SYT1: variants seen among roughly 807,000 people sequenced by gnomAD.
SYT1 encodes synaptotagmin-1.
Under a neutral mutation model 44.8 loss-of-function variants are expected in SYT1, and 8 were observed. The observed-to-expected ratio is 0.18, with a 90% CI of 0.10 to 0.32. SYT1 has a LOEUF of 0.32. Ranked by LOEUF, SYT1 falls within the 10% of genes least tolerant of loss-of-function variation. The probability of loss-of-function intolerance (pLI) is 1.00; values close to 1 mark genes in which losing one functional copy is unlikely to be tolerated. For missense variants in SYT1, 286 were observed against 509.3 expected (o/e 0.56, Z 4.22); for synonymous variants, 154 against 188.8 (o/e 0.82, Z 1.51).
At chr12:78,995,227 T>C (rs1180611851) in intron 2 of SYT1, among the ~76,000 whole-genome samples, 2 of 152,230 alleles carry the variant, frequency 1.3e-5, no homozygotes, top group Non-Finnish European at 2.9e-5. Context: ...CATAGCCTTG[T>C]GTCTTTGACC....
At chr12:79,400,239 C>T (rs1171351872) in intron 9 of SYT1, among the ~76,000 whole-genome samples, 1 of 152,050 alleles carries the variant, frequency 6.6e-6, no homozygotes, top group Admixed American at 6.6e-5. Context: ...GTACTAGGAC[C>T]CATGGCAAGT....
intron 4 of SYT1, among the ~76,000 whole-genome samples, chr12:79,233,678 T>C (rs1361815383): frequency 6.6e-6 from 1 of 152,224 alleles, no homozygotes; most frequent in African/African-American, 2.4e-5. Context: ...AATGTGGCTC[T>C]AATGCGATTT....
chr12:79,175,567 G>A (rs1320378869), intron 3 of SYT1, among the ~76,000 whole-genome samples: 1 of 151,970 alleles, frequency 6.6e-6, no homozygotes, highest in African/African-American at 2.4e-5. Flanking sequence ...CATCTATTTG[G>A]CACACTCAAA....
chr12:78,977,078 AAG>A (rs1868895577), intron 1 of SYT1, among the ~76,000 whole-genome samples: 2 of 152,060 alleles, frequency 1.3e-5, no homozygotes. Flanking sequence ...AAAATTTTAA[AAG>A]AAAGAATGGG....
chr12:79,324,670 A>G (rs1004904639), intron 8 of SYT1, among the ~76,000 whole-genome samples: 2 of 152,220 alleles, frequency 1.3e-5, no homozygotes, highest in African/African-American at 4.8e-5. Flanking sequence ...CCTGCGGTGC[A>G]TCTGTGGGGT....
At chr12:79,284,736 C>T (rs576401329) in intron 4 of SYT1, among the ~76,000 whole-genome samples, 96 of 151,150 alleles carry the variant, frequency 6.4e-4, no homozygotes, top group African/African-American at 2.2e-3. Flanking sequence ...CTACTCGGGA[C>T]GCTGAGGCAG....
chr12:78,967,048 A>G (rs17046137), intron 1 of SYT1, among the ~76,000 whole-genome samples: 10,979 of 152,226 alleles, frequency 0.072, 444 homozygotes, highest in African/African-American at 0.1. Flanking sequence ...ATAGAGCATC[A>G]CATCTCAGTC....
intron 9 of SYT1, among the ~76,000 whole-genome samples, chr12:79,356,157 C>T (rs1883104506): frequency 6.6e-6 from 1 of 151,438 alleles, no homozygotes; most frequent in African/African-American, 2.4e-5. Context: ...GAGAGAACAG[C>T]CATGGGGTGT....
At chr12:79,306,301 A>G (rs1200745952) in intron 8 of SYT1, among the ~76,000 whole-genome samples, 1 of 152,214 alleles carries the variant, frequency 6.6e-6, no homozygotes, top group African/African-American at 2.4e-5. Flanking sequence ...GTAGTATCCT[A>G]AAATATTTTT....
At chr12:79,153,176 G>A (rs1418032795) in intron 3 of SYT1, among the ~76,000 whole-genome samples, 1 of 152,012 alleles carries the variant, frequency 6.6e-6, no homozygotes, top group Non-Finnish European at 1.5e-5. Flanking sequence ...CAAGACATAG[G>A]TATTTCCAAA....
chr12:79,400,465 A>G (rs1221733529), intron 9 of SYT1, among the ~76,000 whole-genome samples: 1 of 152,186 alleles, frequency 6.6e-6, no homozygotes, highest in South Asian at 2.1e-4. Context: ...ACTGCATTCC[A>G]TGAAATTCCC....
chr12:78,928,309 A>G (rs1877417692), intron 1 of SYT1, among the ~76,000 whole-genome samples: 1 of 152,070 alleles, frequency 6.6e-6, no homozygotes, highest in Non-Finnish European at 1.5e-5. Flanking sequence ...CAAATTTAAT[A>G]CTTATTCCAC....
chr12:79,179,321 G>GAT (rs532776371), intron 3 of SYT1, among the ~76,000 whole-genome samples: 9 of 24,640 alleles, frequency 3.7e-4, no homozygotes, highest in Admixed American at 1.1e-3. Context: ...TATAGATATA[G>GAT]ATATAGATAT....
intron 3 of SYT1, among the ~76,000 whole-genome samples, chr12:79,131,830 A>G (rs1370677391): frequency 6.6e-6 from 1 of 152,236 alleles, no homozygotes. Flanking sequence ...AATCAGAAAT[A>G]TGAAAAACTA....
intron 9 of SYT1, among the ~76,000 whole-genome samples, chr12:79,398,897 T>C (rs1315331560): frequency 2.0e-5 from 3 of 152,298 alleles, no homozygotes; most frequent in Non-Finnish European, 4.4e-5. Flanking sequence ...ACAGTATTTT[T>C]GCCATGGCCC....
At chr12:78,881,913 A>G (rs556019013) in intron 1 of SYT1, among the ~76,000 whole-genome samples, 72 of 151,894 alleles carry the variant, frequency 4.7e-4, no homozygotes, top group Non-Finnish European at 8.8e-4. Context: ...TGCTTAAATC[A>G]GAGAGGATAC....
intron 3 of SYT1, among the ~76,000 whole-genome samples, chr12:79,194,485 G>T (rs543361112): frequency 2.7e-5 from 4 of 150,650 alleles, no homozygotes; most frequent in Non-Finnish European, 5.9e-5. Context: ...TTGTAGAGAC[G>T]GGTCTCACTA....
intron 3 of SYT1, among the ~76,000 whole-genome samples, chr12:79,120,513 G>T (rs1421671636): frequency 6.6e-6 from 1 of 152,084 alleles, no homozygotes; most frequent in African/African-American, 2.4e-5. Flanking sequence ...TTTCTATTTA[G>T]CAGTCAATGT....
At chr12:79,383,157 C>T (rs866653891) in intron 9 of SYT1, among the ~76,000 whole-genome samples, 33 of 152,284 alleles carry the variant, frequency 2.2e-4, no homozygotes, top group Non-Finnish European at 1.9e-4. Context: ...GTGTGAACTT[C>T]ATAGAGTGTA....
Sources: gnomAD v4.1 joint callset for allele counts (sites outside exome capture counted in the v4.1 genomes callset) on GRCh38, gnomAD v4.1.1 for gene constraint, MANE v1.5 for transcripts, NCBI Gene and HGNC (gene_info 2026-07-23, HGNC 2026-07-21) for gene names.